The following PCDHGA5 variants were observed in gnomAD, a reference collection of about 807,000 sequenced individuals.
PCDHGA5 encodes protocadherin gamma subfamily A, 5.
In PCDHGA5, 36 loss-of-function variants were observed where a neutral mutation model predicts 56.7. The observed-to-expected ratio is 0.64, with a 90% CI of 0.49 to 0.84. The LOEUF (loss-of-function observed/expected upper bound fraction) is 0.84, where lower values mean the gene tolerates loss of function less well. Ranked by LOEUF, PCDHGA5 falls within the 40% of genes least tolerant of loss-of-function variation. PCDHGA5 has a pLI of 0.00. For synonymous variants in PCDHGA5, 563 were observed against 520.2 expected (o/e 1.08, Z -1.12); for missense variants, 1,305 against 1,201.5 (o/e 1.09, Z -1.27).
chr5:141,376,686 T>G (rs543583265), intron 1 of PCDHGA5: 153 of 814,322 alleles, frequency 1.9e-4, no homozygotes, highest in Middle Eastern at 1.5e-3. Flanking sequence ...GTTTTTTTTT[T>G]TTTTTTTTTT....
In PCDHGA5 at chr5:141,487,844, A is replaced by T; in HGVS notation, c.2422-6963A>T. The T allele has an allele frequency of 1.9e-6, 2 of 1,043,194 alleles. No individual in the cohort carries two copies. The highest frequency in any genetic ancestry group is 2.7e-6 in the Non-Finnish European group (2 of 730,908). The allele number at this position is 1,043,194 out of a possible 1,614,324, so 64.6% of individuals were successfully genotyped here. ...CGGGTCATGCCTATATCTGAGTAAG[A>T]AATGAAAGTAATTGGTGATCAAGAG... On this transcript the variant is annotated intron_variant, in intron 1 of 3. Transcript: ENST00000518069. This position sits in a 1 kb window ranked among gnomAD's most constrained non-coding sequence, Gnocchi z 5.0.
chr5:141,505,704 G>A (rs770933428), intron 3 of PCDHGA5, among the ~76,000 whole-genome samples: 1 of 152,184 alleles, frequency 6.6e-6, no homozygotes, highest in Non-Finnish European at 1.5e-5. Context: ...GAGCGAACAA[G>A]GAAAAGACTC....
At chr5:141,396,724 A>G (rs957039654) in intron 1 of PCDHGA5, 1 of 152,212 alleles carries the variant, frequency 6.6e-6, no homozygotes, top group African/African-American at 2.4e-5. Flanking sequence ...TAATACCTGA[A>G]TTGATTGTTG....
rs188373658 is a variant in PCDHGA5 at position 141,492,228 on chromosome 5, C to T, written c.2422-2579C>T. ...TGCGCGCGGGGCTCATGCGTGTCCT[C>T]CCTGCTGGCCACCCCCACGGCCCAC... On this transcript the variant is annotated intron_variant, in intron 1 of 3. Coordinates refer to ENST00000518069, the MANE Select transcript of PCDHGA5 (RefSeq NM_018918.3). Among the ~76,000 whole-genome samples the T allele has an allele frequency of 5.3e-5, 8 of 152,292 alleles. No individual in the cohort carries two copies. In the East Asian group the frequency reaches 1.2e-3, roughly 22 times the overall value.
In PCDHGA5 at chr5:141,419,703, G is replaced by C. The variant is rs2096418539; in HGVS notation, c.2421+52952G>C. 1 of 1,612,946 alleles carries C rather than the reference G, an allele frequency of 6.2e-7. No individual in the cohort carries two copies. The highest frequency in any genetic ancestry group is 1.3e-5 in the African/African-American group (1 of 74,946). The stretch of plus-strand genomic sequence containing the variant: ...CACGTGGTGCAGGCCAGTGAGCCCG[G>C]GCTCTTCAGCCTGGGGCTGCGAACA... On this transcript the variant is annotated intron_variant, in intron 1 of 3. Coordinates refer to ENST00000518069, the MANE Select transcript of PCDHGA5 (RefSeq NM_018918.3).
intron 1 of PCDHGA5, chr5:141,430,780 C>T: frequency 6.6e-7 from 1 of 1,511,476 alleles, no homozygotes; most frequent in Non-Finnish European, 8.8e-7. Flanking sequence ...CGCGACTGCA[C>T]CGGGACTACA....
chr5:141,437,165 T>A (rs62379162), intron 1 of PCDHGA5, among the ~76,000 whole-genome samples: 3,747 of 152,330 alleles, frequency 0.025, 69 homozygotes, highest in Middle Eastern at 0.085. Context: ...TGTTGATTGT[T>A]TTCTGAGACT....
At chr5:141,501,871 C>T (rs562714939) in intron 2 of PCDHGA5, among the ~76,000 whole-genome samples, 3 of 152,244 alleles carry the variant, frequency 2.0e-5, no homozygotes, top group African/African-American at 7.2e-5. Context: ...CAGGACGCCT[C>T]CTTACACTCC....
intron 1 of PCDHGA5, chr5:141,384,152 A>G: frequency 2.5e-6 from 4 of 1,613,508 alleles, no homozygotes; most frequent in Non-Finnish European, 3.4e-6. Flanking sequence ...CTCTCTTTGT[A>G]TAACATCACA....
In PCDHGA5 at chr5:141,491,770, G is replaced by A; in HGVS notation, c.2422-3037G>A. 6.4e-7 allele frequency: 1 copy of A among 1,560,888 alleles called. No individual in the cohort carries two copies. Among genetic ancestry groups the A allele is most frequent in the Non-Finnish European group, 8.7e-7 (1 of 1,154,942 alleles). On this transcript the variant is annotated intron_variant, in intron 1 of 3. Coordinates refer to ENST00000518069, the MANE Select transcript of PCDHGA5 (RefSeq NM_018918.3). This position sits in a 1 kb window ranked among gnomAD's most constrained non-coding sequence, Gnocchi z 6.9. ...TGGAGAAGCCGCCCGTCCTCATAAG[G>A]GATTGAACTTGCATCCACTCCTCTC...
chr5:141,418,988 G>A, intron 1 of PCDHGA5: 1 of 1,613,946 alleles, frequency 6.2e-7, no homozygotes, highest in Non-Finnish European at 8.5e-7. Context: ...CCAAGACTCA[G>A]GGGAAAATGG....
chr5:141,392,750 G>A lies in PCDHGA5; in HGVS notation c.2421+25999G>A, dbSNP rs561923783. On this transcript the variant is annotated intron_variant, in intron 1 of 3. Coordinates refer to ENST00000518069, the MANE Select transcript of PCDHGA5 (RefSeq NM_018918.3). ...ATTGTCATCTCCATAGCTGCGGCAAGAAACTAAATAAGACCCATTTATGCA... is the reference window on the plus strand; with the variant it reads ...ATTGTCATCTCCATAGCTGCGGCAAAAAACTAAATAAGACCCATTTATGCA... 25 of 1,451,824 alleles carry A rather than the reference G, an allele frequency of 1.7e-5. No homozygotes were observed. In the Admixed American group the frequency reaches 4.2e-4, roughly 24 times the overall value. The allele number at this position is 1,451,824 out of a possible 1,614,324, so 89.9% of individuals were successfully genotyped here.
At chr5:141,388,594 A>G in intron 1 of PCDHGA5, 1 of 1,613,936 alleles carries the variant, frequency 6.2e-7, no homozygotes, top group Non-Finnish European at 8.5e-7. Context: ...GATGCCAATG[A>G]TAATGCTCCA....
At chr5:141,395,196 G>T (rs1431851304) in intron 1 of PCDHGA5, 1 of 1,613,948 alleles carries the variant, frequency 6.2e-7, no homozygotes, top group Non-Finnish European at 8.5e-7. Context: ...GTTAACATCC[G>T]TAGATTTTCA....
intron 1 of PCDHGA5, chr5:141,410,724 C>G: frequency 7.2e-7 from 1 of 1,385,884 alleles, no homozygotes; most frequent in Non-Finnish European, 9.6e-7. Flanking sequence ...TGTTTAAAAT[C>G]CATAGCTTTT....
intron 2 of PCDHGA5, among the ~76,000 whole-genome samples, chr5:141,504,802 C>G (rs370355030): frequency 6.6e-6 from 1 of 152,030 alleles, no homozygotes; most frequent in East Asian, 1.9e-4. Context: ...ACATCTCCCC[C>G]TAGGTACCTC....
chr5:141,434,714 G>A (rs1333237898), intron 1 of PCDHGA5, among the ~76,000 whole-genome samples: 1 of 151,564 alleles, frequency 6.6e-6, no homozygotes, highest in Non-Finnish European at 1.5e-5. Context: ...GTAAATCTCT[G>A]TTCAGGGCTC....
intron 1 of PCDHGA5, chr5:141,412,841 G>C (rs1285924844): frequency 4.9e-6 from 1 of 205,932 alleles, no homozygotes; most frequent in East Asian, 1.1e-4. Flanking sequence ...AAAGATAGGA[G>C]TGGAGAAACC....
intron 1 of PCDHGA5, chr5:141,413,625 C>T (rs372855865): frequency 1.2e-6 from 2 of 1,613,854 alleles, no homozygotes; most frequent in Admixed American, 3.3e-5. Context: ...ATGAAAATGT[C>T]GCTGCGGGAA....
Sources: gnomAD v4.1 joint callset for allele counts (sites outside exome capture counted in the v4.1 genomes callset) on GRCh38, gnomAD v4.1.1 for gene constraint, Gnocchi (gnomAD v3.1) non-coding constraint, MANE v1.5 for transcripts, NCBI Gene and HGNC (gene_info 2026-07-23, HGNC 2026-07-21) for gene names.